Variants in KIF16B observed in about 807,000 individuals in gnomAD.
The protein encoded by KIF16B is kinesin-like protein KIF16B.
KIF16B carries 98 observed loss-of-function variants against 156.3 expected under a neutral mutation model. That is an observed-to-expected ratio of 0.63 (90% CI 0.53 to 0.74). KIF16B has a LOEUF of 0.74. KIF16B is among the 30% of genes least tolerant of loss of function. The pLI is 0.00. For synonymous variants in KIF16B, 564 were observed against 583.7 expected, an observed-to-expected ratio of 0.97 and a Z score of 0.49; for missense variants, 1,421 against 1,606.5, an observed-to-expected ratio of 0.88 and a Z score of 1.97.
intron 1 of KIF16B, among the ~76,000 whole-genome samples, chr20:16,560,349 C>T (rs2071011506): frequency 1.3e-5 from 2 of 152,206 alleles, no homozygotes; most frequent in Admixed American, 1.3e-4. Flanking sequence ...GAAGTTCACA[C>T]AGTGACTTAA....
chr20:16,564,663 T>TAA (rs11478455), intron 1 of KIF16B, among the ~76,000 whole-genome samples: 2 of 137,832 alleles, frequency 1.5e-5, no homozygotes, highest in South Asian at 2.3e-4. Flanking sequence ...TAAAGTATAA[T>TAA]AAAAAAAAAA....
chr20:16,487,121 T>C (rs1312502541), intron 12 of KIF16B, among the ~76,000 whole-genome samples: 1 of 151,784 alleles, frequency 6.6e-6, no homozygotes, highest in Non-Finnish European at 1.5e-5. Flanking sequence ...GGCGTGGTGG[T>C]GGGTGCCTGT....
intron 20 of KIF16B, among the ~76,000 whole-genome samples, chr20:16,372,950 G>A (rs1004815955): frequency 5.3e-5 from 8 of 152,100 alleles, no homozygotes; most frequent in South Asian, 2.1e-4. Flanking sequence ...TGCCTGGCTC[G>A]GCCTCTCGAA....
At position 16,537,853 on chromosome 20, in the gene KIF16B, A is replaced by G. The variant is rs141152854; in HGVS notation, c.48-9413T>C. On this transcript the variant is annotated intron_variant, in intron 1 of 25. Transcript: ENST00000354981. ...TGAGTAGCTGGGATTACAGATGTGC[A>G]CCACGATGCCTAGCTAATTTTTGTA... 9.3e-4 allele frequency among the ~76,000 whole-genome samples: 141 copies of G among 151,810 alleles called. 1 individual carries two copies. The East Asian group carries it at 0.026, about 28-fold the overall frequency.
At chr20:16,332,506 C>G (rs1309286490) in intron 24 of KIF16B, among the ~76,000 whole-genome samples, 2 of 152,194 alleles carry the variant, frequency 1.3e-5, no homozygotes, top group East Asian at 3.8e-4. Flanking sequence ...AATACATGAA[C>G]ACACGTGTTT....
chr20:16,412,262 C>G (rs1028050240), intron 15 of KIF16B, among the ~76,000 whole-genome samples: 1 of 151,756 alleles, frequency 6.6e-6, no homozygotes, highest in Non-Finnish European at 1.5e-5. Context: ...ATAGAGGTCA[C>G]AAGTGGTGTT....
intron 23 of KIF16B, among the ~76,000 whole-genome samples, chr20:16,344,245 AT>A (rs1264481468): frequency 6.6e-6 from 1 of 152,226 alleles, no homozygotes; most frequent in Non-Finnish European, 1.5e-5. Flanking sequence ...ACTGTTGCAA[AT>A]GGTACTAAGC....
chr20:16,272,978 T>C lies in KIF16B; in HGVS notation c.*275A>G, dbSNP rs2063003702. 1 of 357,480 alleles carries C rather than the reference T, an allele frequency of 2.8e-6. No homozygotes were observed. The highest frequency in any genetic ancestry group is 5.2e-6 in the Non-Finnish European group (1 of 194,068). The allele number at this position is 357,480 out of a possible 1,614,324, so 22.1% of individuals were successfully genotyped here. A position where few individuals can be genotyped will look rare whatever the true frequency, so the allele number is the denominator to read the frequency against. On this transcript the variant is annotated 3_prime_UTR_variant, in exon 26 of 26. Transcript: ENST00000354981. ...TCTTGCCACAGGGGACGAACTTTGCTGCGCAGTGAGAAGGAAGCACTGTGG... is the reference window on the plus strand; with the variant it reads ...TCTTGCCACAGGGGACGAACTTTGCCGCGCAGTGAGAAGGAAGCACTGTGG...
At chr20:16,410,460 C>G (rs1201722336) in intron 15 of KIF16B, among the ~76,000 whole-genome samples, 3 of 151,502 alleles carry the variant, frequency 2.0e-5, no homozygotes, top group East Asian at 3.9e-4. Flanking sequence ...TTTTGGATTT[C>G]AGAATACTGG....
intron 12 of KIF16B, among the ~76,000 whole-genome samples, chr20:16,465,767 T>TAAAAAAA (rs11484109): frequency 6.8e-6 from 1 of 147,236 alleles, no homozygotes. Context: ...TCCTCTCACT[T>TAAAAAAA]AAAAAAAAAA....
At chr20:16,364,471 A>AGTTG in intron 22 of KIF16B, among the ~76,000 whole-genome samples, 1 of 152,314 alleles carries the variant, frequency 6.6e-6, no homozygotes, top group South Asian at 2.1e-4. Context: ...CAGGCTGAAT[A>AGTTG]CTCAGACTCT....
At chr20:16,508,772 T>G (rs545165195) in intron 6 of KIF16B, among the ~76,000 whole-genome samples, 1 of 152,300 alleles carries the variant, frequency 6.6e-6, no homozygotes, top group Admixed American at 6.5e-5. Context: ...TATTATATTA[T>G]CATCAACCTC....
chr20:16,345,358 T>G (rs1348593753), intron 23 of KIF16B, among the ~76,000 whole-genome samples: 1 of 152,238 alleles, frequency 6.6e-6, no homozygotes, highest in African/African-American at 2.4e-5. Flanking sequence ...AAAGAAATAA[T>G]GGAGACAGTG....
chr20:16,395,866 A>G (rs1490065389), intron 17 of KIF16B, among the ~76,000 whole-genome samples: 2 of 152,184 alleles, frequency 1.3e-5, no homozygotes, highest in Non-Finnish European at 2.9e-5. Context: ...ATAAATAAAA[A>G]GGATAGTCTC....
chr20:16,341,906 G>C (rs1297202500), intron 23 of KIF16B, among the ~76,000 whole-genome samples: 1 of 152,220 alleles, frequency 6.6e-6, no homozygotes, highest in Non-Finnish European at 1.5e-5. Flanking sequence ...CCAGCTCTCA[G>C]TGAACTAAAA....
chr20:16,496,959 G>A (rs1224651672), intron 11 of KIF16B, among the ~76,000 whole-genome samples: 1 of 151,746 alleles, frequency 6.6e-6, no homozygotes, highest in Non-Finnish European at 1.5e-5. Context: ...TCAGCACCAT[G>A]AACAAAATTG....
At chr20:16,458,944 T>C (rs1328665492) in intron 12 of KIF16B, among the ~76,000 whole-genome samples, 1 of 152,162 alleles carries the variant, frequency 6.6e-6, no homozygotes, top group African/African-American at 2.4e-5. Context: ...CACATCAGGA[T>C]GAAACATAAT....
intron 17 of KIF16B, among the ~76,000 whole-genome samples, chr20:16,404,431 G>C (rs772126711): frequency 6.6e-6 from 1 of 152,136 alleles, no homozygotes; most frequent in Non-Finnish European, 1.5e-5. Context: ...CTAAGAATCA[G>C]GCTGCCTCTG....
At chr20:16,277,466 T>TATA (rs1354530915) in intron 25 of KIF16B, among the ~76,000 whole-genome samples, 1 of 147,902 alleles carries the variant, frequency 6.8e-6, no homozygotes, top group East Asian at 1.9e-4. Flanking sequence ...ATATTATATA[T>TATA]ATATATATAT....
Sources: allele counts gnomAD v4.1 joint callset (sites outside exome capture counted in the v4.1 genomes callset), GRCh38; gene constraint gnomAD v4.1.1; transcripts MANE v1.5; gene names NCBI Gene and HGNC (gene_info 2026-07-23, HGNC 2026-07-21).